CYP27A1: variants seen among roughly 807,000 people sequenced by gnomAD.
CYP27A1 encodes the protein cytochrome P450 family 27 subfamily A member 1.
A neutral mutation model predicts 58.2 loss-of-function variants in CYP27A1; 46 were observed. The observed-to-expected ratio is 0.79, with a 90% CI of 0.62 to 1.01. The LOEUF (loss-of-function observed/expected upper bound fraction) is 1.01. CYP27A1 is among the 50% of genes least tolerant of loss of function. The pLI, the probability that CYP27A1 is intolerant of heterozygous loss-of-function variation, is 0.00. For synonymous variants in CYP27A1, 274 were observed against 285.1 expected, an observed-to-expected ratio of 0.96 and a Z score of 0.39; for missense variants, 704 against 687.0, an observed-to-expected ratio of 1.02 and a Z score of -0.28.
At chr2:218,792,868 T>C (rs909424078) in intron 1 of CYP27A1, among the ~76,000 whole-genome samples, 1 of 152,228 alleles carries the variant, frequency 6.6e-6, no homozygotes, top group Non-Finnish European at 1.5e-5. Flanking sequence ...TAATTCTGTT[T>C]ACCTCTCTTT....
At chr2:218,808,736 G>A (rs1223798538) in intron 1 of CYP27A1, among the ~76,000 whole-genome samples, 1 of 152,106 alleles carries the variant, frequency 6.6e-6, no homozygotes, top group Non-Finnish European at 1.5e-5. Context: ...AGGAAATATA[G>A]TCTTAGGATT....
In CYP27A1 at chr2:218,814,581, G is replaced by C. The variant is rs772825536; in HGVS notation, c.1300G>C (p.Asp434His). 9.3e-6 allele frequency: 15 copies of C among 1,614,080 alleles called. No individual in the cohort carries two copies. Among genetic ancestry groups the C allele is most frequent in the Non-Finnish European group, 1.2e-5 (14 of 1,180,042 alleles). ...FVFCHYVVSR[D>H]PTAFSEPESF... is the part of the protein sequence containing the mutation. Reference sequence around the variant, plus strand: ...GTTCTGCCACTATGTGGTGTCCCGGGACCCCACTGCCTTCTCTGAGCCTGA... The same window carrying C: ...GTTCTGCCACTATGTGGTGTCCCGGCACCCCACTGCCTTCTCTGAGCCTGA... The change falls in exon 8 of 9, where the codon GAC becomes CAC. Residue 434 changes from aspartate to histidine, a missense_variant. Transcript: ENST00000258415.
chr2:218,799,319 C>T (rs1198221215), intron 1 of CYP27A1, among the ~76,000 whole-genome samples: 4 of 152,328 alleles, frequency 2.6e-5, no homozygotes, highest in African/African-American at 9.6e-5. Flanking sequence ...ACCCCAATTA[C>T]AAACCATCCA....
chr2:218,795,767 C>T (rs1943542330), intron 1 of CYP27A1, among the ~76,000 whole-genome samples: 1 of 152,116 alleles, frequency 6.6e-6, no homozygotes, highest in African/African-American at 2.4e-5. Flanking sequence ...TCTCTCTCTC[C>T]AGTCCTCATT....
chr2:218,784,685 A>C (rs1943425911), intron 1 of CYP27A1, among the ~76,000 whole-genome samples: 2 of 152,226 alleles, frequency 1.3e-5, no homozygotes, highest in Admixed American at 6.5e-5. Context: ...TTTCCTGTCT[A>C]TATAAGCAAG....
chr2:218,812,944 A>C lies in CYP27A1; in HGVS notation c.865A>C (p.Lys289Gln). Residue 289 changes from lysine to glutamine, a missense_variant, in exon 5 of 9, where the codon AAG becomes CAG. Lys to Gln is a moderately conservative substitution (Grantham distance 53). Coordinates refer to ENST00000258415, the MANE Select transcript of CYP27A1 (RefSeq NM_000784.4). The part of the protein sequence containing the change: ...FSFGKKLIDE[K>Q]LEDMEAQLQA... Reference sequence around the variant, plus strand: ...CACAGGGAAGAAGCTGATTGATGAGAAGCTCGAAGATATGGAGGCCCAACT... The same window carrying C: ...CACAGGGAAGAAGCTGATTGATGAGCAGCTCGAAGATATGGAGGCCCAACT... 6.2e-7 allele frequency: 1 copy of C among 1,614,148 alleles called. No individual in the cohort carries two copies. The highest frequency in any genetic ancestry group is 8.5e-7 in the Non-Finnish European group (1 of 1,180,014).
intron 1 of CYP27A1, among the ~76,000 whole-genome samples, chr2:218,796,179 A>G (rs1335157814): frequency 6.6e-6 from 1 of 152,176 alleles, no homozygotes; most frequent in Non-Finnish European, 1.5e-5. Context: ...TGACTCCTTA[A>G]AGGGAAGCAT....
At chr2:218,802,879 T>C (rs548226865) in intron 1 of CYP27A1, among the ~76,000 whole-genome samples, 93 of 152,354 alleles carry the variant, frequency 6.1e-4, no homozygotes, top group African/African-American at 2.1e-3. Context: ...TCTTTTCTTG[T>C]GATTATAGGC....
rs982597316 is a variant in CYP27A1 at position 218,782,965 on chromosome 2, A to G, written c.255+528A>G. Among the ~76,000 whole-genome samples, 1 of 152,150 alleles carries G rather than the reference A, an allele frequency of 6.6e-6. No individual in the cohort carries two copies. The highest frequency in any genetic ancestry group is 1.5e-5 in the Non-Finnish European group (1 of 68,020). ...AAAAGGTACTTTTTGTTATTAAGAA[A>G]TCAGTCTGAGGCCGGGTGCAGTGGC... On this transcript the variant is annotated intron_variant, in intron 1 of 8. Coordinates refer to ENST00000258415, the MANE Select transcript of CYP27A1 (RefSeq NM_000784.4). The surrounding 1 kb of genome is among the most constrained non-coding windows in gnomAD (Gnocchi z 4.1).
chr2:218,799,687 A>G (rs945034819), intron 1 of CYP27A1, among the ~76,000 whole-genome samples: 4 of 151,988 alleles, frequency 2.6e-5, no homozygotes, highest in Non-Finnish European at 5.9e-5. Context: ...CTTTCCCTAT[A>G]TACATACATC....
At position 218,812,291 on chromosome 2, in the gene CYP27A1, G is replaced by A. The variant is rs749708223; in HGVS notation, c.516G>A (p.Ala172=). ...NQRLLKPAEA[A]LYTDAFNEVI... ...GGTTGCTGAAGCCAGCGGAAGCAGC[G>A]CTCTATACGGATGCTTTCAATGAGG... Residue 172 remains alanine (A), a synonymous_variant, in exon 3 of 9, where the codon GCG becomes GCA. Transcript: ENST00000258415. 12 of 1,614,056 alleles carry A rather than the reference G, an allele frequency of 7.4e-6. No homozygotes were observed. Among genetic ancestry groups the A allele is most frequent in the South Asian group, 4.4e-5 (4 of 91,090 alleles).
At chr2:218,790,011 G>T (rs1235727279) in intron 1 of CYP27A1, among the ~76,000 whole-genome samples, 2 of 152,186 alleles carry the variant, frequency 1.3e-5, no homozygotes, top group African/African-American at 4.8e-5. Flanking sequence ...TAGCATAAAT[G>T]ACTCTATTTT....
intron 1 of CYP27A1, among the ~76,000 whole-genome samples, chr2:218,787,322 T>C (rs2105970866): frequency 6.6e-6 from 1 of 152,272 alleles, no homozygotes. Context: ...TGACATAATA[T>C]AGAGTGAAGA....
At chr2:218,813,218 T>C (rs962561985) in intron 5 of CYP27A1, 122 bp downstream of exon 5, 83 of 890,862 alleles carry the variant, frequency 9.3e-5, no homozygotes, top group Non-Finnish European at 1.3e-4. Flanking sequence ...TTCTGTAACA[T>C]GGATACAGCC....
Position 218,782,160 on chromosome 2 carries a change from G to C in CYP27A1, c.-23G>C. 4 of 1,533,910 alleles carry C rather than the reference G, an allele frequency of 2.6e-6. No homozygotes were observed. On this transcript the variant is annotated 5_prime_UTR_variant, in exon 1 of 9. Coordinates refer to ENST00000258415, the MANE Select transcript of CYP27A1 (RefSeq NM_000784.4). The surrounding 1 kb of genome is among the most constrained non-coding windows in gnomAD (Gnocchi z 4.1). ...CGGGGACTCAGCACTCGACCCAAAG[G>C]TGCAGGCGCGCGAGCACAACCCATG...
chr2:218,814,684 C>T lies in CYP27A1; in HGVS notation c.1403C>T (p.Pro468Leu), dbSNP rs1250416715. ...ATCCAGCACCCATTTGGCTCTGTGC[C>T]CTTTGGCTATGGGGTCCGGGCCTGC... is the stretch of plus-strand genomic sequence containing the variant. ...PRIQHPFGSV[P>L]FGYGVRACLG... is the part of the protein sequence containing the mutation. The change falls in exon 8 of 9, where the codon CCC becomes CTC. Residue 468 changes from proline to leucine, a missense_variant. By Grantham distance (98) the Pro-to-Leu change is moderately conservative. Transcript: ENST00000258415. 2 of 1,614,214 alleles carry T rather than the reference C, an allele frequency of 1.2e-6. No individual in the cohort carries two copies. The highest frequency in any genetic ancestry group is 2.2e-5 in the East Asian group (1 of 44,878).
intron 1 of CYP27A1, among the ~76,000 whole-genome samples, chr2:218,799,530 T>C (rs1175916178): frequency 1.3e-5 from 2 of 152,126 alleles, no homozygotes; most frequent in African/African-American, 4.8e-5. Flanking sequence ...TTCTGTAAGT[T>C]TGGGGCTGCT....
Position 218,809,574 on chromosome 2 carries a change from C to T in CYP27A1, c.256-3C>T, listed in dbSNP as rs1559391389. The T allele has an allele frequency of 6.9e-6, 11 of 1,605,226 alleles. No individual in the cohort carries two copies. Among genetic ancestry groups the T allele is most frequent in the Middle Eastern group, 1.7e-4 (1 of 6,056 alleles). ...GTTATTCAGTTTTGATTGAACTCCA[C>T]AGGTGCTTTACAAGGCCAAGTACGG... On this transcript the variant is annotated splice_polypyrimidine_tract_variant and splice_region_variant and intron_variant, in intron 1 of 8. Coordinates refer to ENST00000258415, the MANE Select transcript of CYP27A1 (RefSeq NM_000784.4).
Position 218,812,236 on chromosome 2 carries a change from G to T in CYP27A1, c.461G>T (p.Trp154Leu). 1 of 1,614,136 alleles carries T rather than the reference G, an allele frequency of 6.2e-7. No individual in the cohort carries two copies. The highest frequency in any genetic ancestry group is 8.5e-7 in the Non-Finnish European group (1 of 1,179,990). The part of the protein sequence containing the change: ...YGPFTTEGHH[W>L]YQLRQALNQR... The stretch of plus-strand genomic sequence containing the variant: ...CGTCCCTGCAGGGAAGGACACCACT[G>T]GTACCAGCTGCGCCAGGCTCTGAAC... Residue 154 changes from tryptophan (W) to leucine (L), a missense_variant, in exon 3 of 9, where the codon TGG becomes TTG. Coordinates refer to ENST00000258415, the MANE Select transcript of CYP27A1 (RefSeq NM_000784.4).
Sources: allele counts gnomAD v4.1 joint callset (sites outside exome capture counted in the v4.1 genomes callset), GRCh38; gene constraint gnomAD v4.1.1; non-coding constraint Gnocchi (gnomAD v3.1); transcripts MANE v1.5; gene names NCBI Gene and HGNC (gene_info 2026-07-23, HGNC 2026-07-21).